The following IVNS1ABP variants were observed in gnomAD, a reference collection of about 807,000 sequenced individuals.
IVNS1ABP encodes the protein influenza virus NS1A-binding protein.
A neutral mutation model predicts 78.9 loss-of-function variants in IVNS1ABP; 25 were observed. The ratio of observed to expected loss-of-function variants is 0.32; its 90% CI spans 0.23 to 0.44. The LOEUF is 0.44. IVNS1ABP is among the 20% of genes least tolerant of loss of function. IVNS1ABP has a pLI of 1.00. For synonymous variants in IVNS1ABP, 241 were observed against 259.7 expected (o/e 0.93, Z 0.69); for missense variants, 494 against 768.9 (o/e 0.64, Z 4.23).
Position 185,308,995 on chromosome 1 carries a change from G to A in IVNS1ABP, c.281+8C>T. On this transcript the variant is annotated splice_region_variant and intron_variant, in intron 4 of 14. Transcript: ENST00000367498. ...CCTAATTATATGGTTTACTTCAAAT[G>A]TACTTACTGAGCAGTGTAGGCATAA... 6.2e-6 allele frequency: 10 copies of A among 1,601,656 alleles called. No individual in the cohort carries two copies. Among genetic ancestry groups the A allele is most frequent in the Non-Finnish European group, 8.5e-6 (10 of 1,173,566 alleles).
chr1:185,312,638 C>T (rs1367550581), intron 1 of IVNS1ABP, among the ~76,000 whole-genome samples: 5 of 152,306 alleles, frequency 3.3e-5, no homozygotes, highest in Non-Finnish European at 7.4e-5. Context: ...AATGCTTACC[C>T]TTGCATCAAA....
At chr1:185,312,936 A>T (rs1421150410) in intron 1 of IVNS1ABP, among the ~76,000 whole-genome samples, 1 of 152,202 alleles carries the variant, frequency 6.6e-6, no homozygotes, top group South Asian at 2.1e-4. Context: ...TGCTCTTAAA[A>T]TAAGAGGAAG....
chr1:185,311,671 A>T (rs1315601887), intron 1 of IVNS1ABP, among the ~76,000 whole-genome samples: 1 of 152,192 alleles, frequency 6.6e-6, no homozygotes, highest in African/African-American at 2.4e-5. Flanking sequence ...TAATATGCAA[A>T]CATGAGATCT....
chr1:185,313,802 A>G (rs1435867816), intron 1 of IVNS1ABP, among the ~76,000 whole-genome samples: 2 of 152,206 alleles, frequency 1.3e-5, no homozygotes, highest in African/African-American at 4.8e-5. Context: ...CTTTTCTTAC[A>G]CATTTAAAAT....
At chr1:185,302,960 G>A (rs986662961) in intron 8 of IVNS1ABP, among the ~76,000 whole-genome samples, 3 of 151,924 alleles carry the variant, frequency 2.0e-5, no homozygotes, top group Non-Finnish European at 4.4e-5. Flanking sequence ...ATGACAGGCT[G>A]TTTTCCACTG....
chr1:185,307,389 G>T, intron 6 of IVNS1ABP, 100 bp downstream of exon 6: 2 of 978,004 alleles, frequency 2.0e-6, no homozygotes, highest in Non-Finnish European at 1.5e-6. Flanking sequence ...TAATTTCAAT[G>T]TATTATTTCA....
rs1282493043 is a variant in IVNS1ABP at position 185,309,419 on chromosome 1, C to T, written c.75G>A (p.Leu25=). 4 of 1,612,492 alleles carry T rather than the reference C, an allele frequency of 2.5e-6. No homozygotes were observed. Among genetic ancestry groups the T allele is most frequent in the Admixed American group, 1.7e-5 (1 of 59,856 alleles). Reference sequence around the variant, plus strand: ...CATCACAGAACTGGCCACTTTTCCTCAGGGCATTTAATTTGGCAACAGAAG... The same window carrying T: ...CATCACAGAACTGGCCACTTTTCCTTAGGGCATTTAATTTGGCAACAGAAG... ...IESSVAKLNA[L]RKSGQFCDVR... is the part of the protein sequence containing the mutation. The change falls in exon 3 of 15, where the codon CTG becomes CTA. Residue 25 remains leucine, a synonymous_variant. Transcript: ENST00000367498.
chr1:185,298,020 A>G lies in IVNS1ABP; in HGVS notation c.*15T>C. 6.2e-7 allele frequency: 1 copy of G among 1,610,904 alleles called. No individual in the cohort carries two copies. Among genetic ancestry groups the G allele is most frequent in the Admixed American group, 1.7e-5 (1 of 59,690 alleles). On this transcript the variant is annotated 3_prime_UTR_variant, in exon 15 of 15. Coordinates refer to ENST00000367498, the MANE Select transcript of IVNS1ABP (RefSeq NM_006469.5). The surrounding 1 kb of genome is among the most constrained non-coding windows in gnomAD (Gnocchi z 4.1). ...ACATCACTAAGCCTGTTAGTTTGAG[A>G]GGGTCTTAAATTTGTTAAAACTGGA...
intron 5 of IVNS1ABP, among the ~76,000 whole-genome samples, chr1:185,308,307 C>T (rs1665792596): frequency 6.6e-6 from 1 of 152,188 alleles, no homozygotes; most frequent in African/African-American, 2.4e-5. Context: ...TAAATGAACA[C>T]ACATGGCTGT....
intron 1 of IVNS1ABP, among the ~76,000 whole-genome samples, chr1:185,315,777 C>T (rs1666001033): frequency 6.6e-6 from 1 of 152,222 alleles, no homozygotes; most frequent in South Asian, 2.1e-4. Flanking sequence ...CTGTGGCAGT[C>T]TAGTCCATGC....
Position 185,300,203 on chromosome 1 carries a change from A to G in IVNS1ABP, c.1369+14T>C, listed in dbSNP as rs751251669. The stretch of plus-strand genomic sequence containing the variant: ...ATTTAAATACTGGATATCTCAGGAG[A>G]AAACTATTATTACCTGCATTACAAC... On this transcript the variant is annotated intron_variant, in intron 12 of 14. Transcript: ENST00000367498. 9.9e-6 allele frequency: 16 copies of G among 1,612,088 alleles called. No homozygotes were observed. Among genetic ancestry groups the G allele is most frequent in the Non-Finnish European group, 1.4e-5 (16 of 1,178,932 alleles).
chr1:185,316,408 G>A (rs943174162), intron 1 of IVNS1ABP, among the ~76,000 whole-genome samples: 5 of 152,154 alleles, frequency 3.3e-5, no homozygotes, highest in Admixed American at 6.5e-5. Context: ...GGCCCACGGC[G>A]ATCGGGGACT....
rs902200007 is a variant in IVNS1ABP, at chr1:185,315,227, G to A, written c.-247+1726C>T. The stretch of plus-strand genomic sequence containing the variant: ...TATCAATTAAGATACTTCCTTAACA[G>A]GAAAACATTTATATTTAAAAACGTA... On this transcript the variant is annotated intron_variant, in intron 1 of 14. Coordinates refer to ENST00000367498, the MANE Select transcript of IVNS1ABP (RefSeq NM_006469.5). 1.1e-4 allele frequency among the ~76,000 whole-genome samples: 16 copies of A among 152,198 alleles called. No homozygotes were observed. The South Asian group carries it at 1.7e-3, about 16-fold the overall frequency.
intron 13 of IVNS1ABP, 53 bp downstream of exon 13, chr1:185,299,946 A>G (rs1558114584): frequency 6.2e-7 from 1 of 1,610,168 alleles, no homozygotes; most frequent in Non-Finnish European, 8.5e-7. Context: ...TATACTACAC[A>G]TACTGTTGAT....
In IVNS1ABP at chr1:185,306,293, A is replaced by G. The variant is rs985931643; in HGVS notation, c.658-650T>C. Reference sequence around the variant, plus strand: ...TCATAAAGGAACTCCGAAAGGTTTAAGTGGAGAGAGAAACTCAAGGTTACT... The same window carrying G: ...TCATAAAGGAACTCCGAAAGGTTTAGGTGGAGAGAGAAACTCAAGGTTACT... On this transcript the variant is annotated intron_variant, in intron 7 of 14. Transcript: ENST00000367498. The G allele has an allele frequency of 1.2e-4, 37 of 296,712 alleles. No homozygotes were observed. The Admixed American group carries it at 1.8e-3, about 15-fold the overall frequency. The allele number at this position is 296,712 out of a possible 1,614,324, so 18.4% of individuals were successfully genotyped here.
At chr1:185,302,133 AG>A (rs943509953) in intron 8 of IVNS1ABP, among the ~76,000 whole-genome samples, 2 of 152,156 alleles carry the variant, frequency 1.3e-5, no homozygotes, top group Non-Finnish European at 2.9e-5. Context: ...TAGGTATTAT[AG>A]AGTGGTTTTC....
chr1:185,311,387 G>T, intron 1 of IVNS1ABP, 65 bp from the exon 2 acceptor site: 1 of 391,816 alleles, frequency 2.6e-6, no homozygotes, highest in South Asian at 1.3e-4. Context: ...GATCTAGGTA[G>T]AGCAGATCAT....
In IVNS1ABP at chr1:185,297,942, T is replaced by G; in HGVS notation, c.*93A>C. 1 of 1,252,856 alleles carries G rather than the reference T, an allele frequency of 8.0e-7. No homozygotes were observed. Among genetic ancestry groups the G allele is most frequent in the Non-Finnish European group, 1.1e-6 (1 of 886,632 alleles). 77.6% of individuals were successfully genotyped at this position (1,252,856 alleles called of 1,614,324 possible). ...AAGCTTTGTGTTGCTGTTAGCAACA[T>G]CTATACCCACCCACCCTCTTTATTC... On this transcript the variant is annotated 3_prime_UTR_variant, in exon 15 of 15. Transcript: ENST00000367498.
chr1:185,306,759 C>G, intron 7 of IVNS1ABP: 2 of 688,320 alleles, frequency 2.9e-6, no homozygotes, highest in South Asian at 2.2e-5. Context: ...ATTTCTAAAG[C>G]AAATTACATG....
Sources: gnomAD v4.1 joint callset for allele counts (sites outside exome capture counted in the v4.1 genomes callset) on GRCh38, gnomAD v4.1.1 for gene constraint, Gnocchi (gnomAD v3.1) non-coding constraint, MANE v1.5 for transcripts, NCBI Gene and HGNC (gene_info 2026-07-23, HGNC 2026-07-21) for gene names.